PUM1: variants seen among roughly 807,000 people sequenced by gnomAD.
The protein encoded by PUM1 is pumilio RNA binding family member 1.
PUM1 carries 13 observed loss-of-function variants against 131.8 expected under a neutral mutation model. The ratio of observed to expected loss-of-function variants is 0.10; its 90% CI spans 0.06 to 0.16. The LOEUF is 0.16. Ranked by LOEUF, PUM1 falls within the 10% of genes least tolerant of loss-of-function variation. PUM1 has a pLI of 1.00. For missense variants in PUM1, 961 were observed against 1,512.4 expected, an observed-to-expected ratio of 0.64 and a Z score of 6.05; for synonymous variants, 509 against 556.5, an observed-to-expected ratio of 0.91 and a Z score of 1.20.
chr1:30,975,421 G>T (rs1372703229), intron 9 of PUM1, among the ~76,000 whole-genome samples: 1 of 151,174 alleles, frequency 6.6e-6, no homozygotes, highest in Non-Finnish European at 1.5e-5. Context: ...GGCAATCTCA[G>T]CTCACTGCAA....
chr1:30,941,985 G>A lies in PUM1; in HGVS notation c.3120+13C>T. On this transcript the variant is annotated intron_variant, in intron 19 of 21. Transcript: ENST00000426105. ...ACAGGTGTTCGCAGTTCCTCTACTG[G>A]CAACTCCACTACCTGTACAAGCTGC... 1 of 1,555,664 alleles carries A rather than the reference G, an allele frequency of 6.4e-7. No individual in the cohort carries two copies. The highest frequency in any genetic ancestry group is 8.7e-7 in the Non-Finnish European group (1 of 1,143,112).
At chr1:30,970,995 T>C (rs1344222690) in intron 10 of PUM1, among the ~76,000 whole-genome samples, 1 of 152,188 alleles carries the variant, frequency 6.6e-6, no homozygotes, top group Non-Finnish European at 1.5e-5. Context: ...GTCCACTCTC[T>C]AGAAATCTGT....
At chr1:30,961,402 C>CA (rs1417340139) in intron 14 of PUM1, among the ~76,000 whole-genome samples, 1 of 148,956 alleles carries the variant, frequency 6.7e-6, no homozygotes, top group Non-Finnish European at 1.5e-5. Flanking sequence ...TGTGTGCTTA[C>CA]AGTACCAGCT....
chr1:30,991,078 AAAG>A (rs889890591), intron 7 of PUM1, among the ~76,000 whole-genome samples: 17 of 152,200 alleles, frequency 1.1e-4, no homozygotes, highest in African/African-American at 3.4e-4. Context: ...TTTAAAAAAA[AAAG>A]AGAGAACCAT....
rs879564618 is a variant in PUM1, at chr1:31,060,888, TA to T, written c.-11-1312del. On this transcript the variant is annotated intron_variant, in intron 1 of 21. Transcript: ENST00000426105. ...GCGACAAATCGAGACTCTGTTTCAG[TA>T]AAAAAAAAAAAAATAATAAATAAAT... is the stretch of plus-strand genomic sequence containing the variant. Among the ~76,000 whole-genome samples the T allele has an allele frequency of 8.3e-3, 1,124 of 136,000 alleles. 6 individuals carry two copies. Among genetic ancestry groups the T allele is most frequent in the African/African-American group, 0.02 (738 of 37,198 alleles). 89.2% of individuals were successfully genotyped at this position (136,000 alleles called of 152,430 possible). A position where few individuals can be genotyped will look rare whatever the true frequency, so the allele number is the denominator to read the frequency against.
chr1:30,956,727 GT>G (rs1640180750), intron 14 of PUM1, among the ~76,000 whole-genome samples: 1 of 152,118 alleles, frequency 6.6e-6, no homozygotes, highest in Non-Finnish European at 1.5e-5. Flanking sequence ...AACACACAAT[GT>G]TTTGAAAACA....
chr1:30,942,183 A>C (rs967688949), intron 18 of PUM1, 60 bp from the exon 19 acceptor site: 16 of 678,574 alleles, frequency 2.4e-5, no homozygotes, highest in Non-Finnish European at 3.6e-5. Context: ...TCAATGCTTC[A>C]GTATTGTTTA....
intron 2 of PUM1, chr1:31,055,281 G>A: frequency 2.2e-6 from 1 of 453,340 alleles, no homozygotes; most frequent in Non-Finnish European, 4.4e-6. Context: ...TTTCCCAGCA[G>A]GATGACTGAG....
At chr1:30,992,329 T>G (rs1641824160) in intron 7 of PUM1, 61 bp downstream of exon 7, 3 of 1,568,262 alleles carry the variant, frequency 1.9e-6, no homozygotes, top group Non-Finnish European at 2.6e-6. Flanking sequence ...CATTCTTAAT[T>G]ACTTGAACAA....
Position 30,933,059 on chromosome 1 carries a change from T to C in PUM1, c.*152A>G. On this transcript the variant is annotated 3_prime_UTR_variant, in exon 22 of 22. Transcript: ENST00000426105. ...AAATTTACAAAGGCTTTTCCACTCGTGGATTTGATTCCTTTTTTGGAGGAG... is the reference window on the plus strand; with the variant it reads ...AAATTTACAAAGGCTTTTCCACTCGCGGATTTGATTCCTTTTTTGGAGGAG... 1.1e-6 allele frequency: 1 copy of C among 940,268 alleles called. No homozygotes were observed. Among genetic ancestry groups the C allele is most frequent in the Non-Finnish European group, 1.6e-6 (1 of 641,532 alleles). 58.2% of individuals were successfully genotyped at this position (940,268 alleles called of 1,614,324 possible).
At position 31,059,229 on chromosome 1, in the gene PUM1, C is replaced by T; in HGVS notation, c.338G>A (p.Gly113Glu). 6.2e-7 allele frequency: 1 copy of T among 1,604,242 alleles called. No homozygotes were observed. Among genetic ancestry groups the T allele is most frequent in the African/African-American group, 1.3e-5 (1 of 74,686 alleles). Residue 113 changes from glycine to glutamate, a missense_variant, in exon 2 of 22, where the codon GGG (glycine) becomes GAG (glutamate). Coordinates refer to ENST00000426105, the MANE Select transcript of PUM1 (RefSeq NM_001020658.2). ...YNNSKHRWPT[G>E]DNIHAEHQVR... ...CTGATGTTCTGCATGAATGTTATCCCCAGTAGGCCATCGATGTTTGCTATT... is the reference window on the plus strand; with the variant it reads ...CTGATGTTCTGCATGAATGTTATCCTCAGTAGGCCATCGATGTTTGCTATT...
intron 3 of PUM1, among the ~76,000 whole-genome samples, chr1:31,021,602 G>A (rs1390856287): frequency 1.3e-5 from 2 of 152,034 alleles, no homozygotes; most frequent in Admixed American, 6.5e-5. Flanking sequence ...AAAACAAACT[G>A]GGCCATGATT....
chr1:31,051,899 G>T (rs1644118348), intron 2 of PUM1, among the ~76,000 whole-genome samples: 1 of 151,762 alleles, frequency 6.6e-6, no homozygotes, highest in African/African-American at 2.4e-5. Context: ...CACAATACAA[G>T]AATAAAACAC....
At chr1:30,990,481 T>C (rs1209322738) in intron 7 of PUM1, among the ~76,000 whole-genome samples, 1 of 151,976 alleles carries the variant, frequency 6.6e-6, no homozygotes, top group Non-Finnish European at 1.5e-5. Context: ...AAAAGTGGAA[T>C]AAAATGTAAT....
chr1:30,952,430 T>C, intron 15 of PUM1, 67 bp from the exon 16 acceptor site: 2 of 1,607,898 alleles, frequency 1.2e-6, no homozygotes, highest in Non-Finnish European at 1.7e-6. Flanking sequence ...TCAGTGTACC[T>C]CGGTTTATAG....
rs764345664 is a variant in PUM1 at position 31,059,216 on chromosome 1, A to G, written c.351T>C (p.His117=). The change falls in exon 2 of 22, where the codon CAT becomes CAC. Residue 117 remains histidine (H), a synonymous_variant. Coordinates refer to ENST00000426105, the MANE Select transcript of PUM1 (RefSeq NM_001020658.2). The part of the protein sequence containing the change: ...KHRWPTGDNI[H]AEHQVRSMDE... ...AACTTTTTTTTACCTGATGTTCTGC[A>G]TGAATGTTATCCCCAGTAGGCCATC... 1 of 1,582,932 alleles carries G rather than the reference A, an allele frequency of 6.3e-7. No homozygotes were observed. The highest frequency in any genetic ancestry group is 1.7e-4 in the Middle Eastern group (1 of 5,894).
intron 14 of PUM1, among the ~76,000 whole-genome samples, chr1:30,955,444 G>A (rs189795185): frequency 0.012 from 1,681 of 142,742 alleles, 19 homozygotes; most frequent in Middle Eastern, 0.049. Context: ...CAGCCTGGGC[G>A]ACAGAGCAAG....
intron 1 of PUM1, among the ~76,000 whole-genome samples, chr1:31,060,405 G>A (rs1644341732): frequency 6.6e-6 from 1 of 152,022 alleles, no homozygotes; most frequent in South Asian, 2.1e-4. Flanking sequence ...AGGTTGCAGT[G>A]AGCCGAGATC....
intron 7 of PUM1, among the ~76,000 whole-genome samples, chr1:30,986,057 C>A (rs575435896): frequency 6.6e-6 from 1 of 152,014 alleles, no homozygotes; most frequent in Non-Finnish European, 1.5e-5. Context: ...TGGGTTCAAG[C>A]GATTCTCCTG....
Sources: allele counts gnomAD v4.1 joint callset (sites outside exome capture counted in the v4.1 genomes callset), GRCh38; gene constraint gnomAD v4.1.1; transcripts MANE v1.5; gene names NCBI Gene and HGNC (gene_info 2026-07-23, HGNC 2026-07-21).